CRIPTO: variants seen among roughly 807,000 people sequenced by gnomAD.
The protein encoded by CRIPTO is cripto, EGF-CFC family member.
the CRIPTO span, chr3:46,579,268 G>A: frequency 6.2e-7 from 1 of 1,614,160 alleles, no homozygotes; most frequent in Non-Finnish European, 8.5e-7. Context: ...CCATCTCGGG[G>A]ATACCTGGCC....
chr3:46,578,235 C>T, the CRIPTO span, among the ~76,000 whole-genome samples: 1 of 152,234 alleles, frequency 6.6e-6, no homozygotes, highest in Admixed American at 6.5e-5. Context: ...ATGTTAATGA[C>T]TCTGCCTATG....
the CRIPTO span, among the ~76,000 whole-genome samples, chr3:46,578,429 G>A: frequency 2.0e-5 from 3 of 150,798 alleles, no homozygotes; most frequent in African/African-American, 7.3e-5. Context: ...GGTTAAAATA[G>A]TTTGGCCGGG....
the CRIPTO span, chr3:46,579,059 T>C: frequency 1.9e-6 from 3 of 1,612,972 alleles, no homozygotes; most frequent in Non-Finnish European, 2.5e-6. Context: ...TTATTTCCTT[T>C]GTTTGGCTAA....
the CRIPTO span, chr3:46,579,208 C>G: frequency 2.5e-6 from 4 of 1,613,998 alleles, no homozygotes; most frequent in Middle Eastern, 1.6e-4. Context: ...AATACAGACT[C>G]CATGAATTGA....
chr3:46,578,538 G>A, the CRIPTO span, among the ~76,000 whole-genome samples: 15 of 152,096 alleles, frequency 9.9e-5, 1 homozygote, highest in African/African-American at 2.2e-4. Flanking sequence ...GCAAAACCCC[G>A]TCTCTATTAA....
At chr3:46,579,241 A>T in the CRIPTO span, 3 of 1,614,178 alleles carry the variant, frequency 1.9e-6, no homozygotes, top group Non-Finnish European at 2.5e-6. Flanking sequence ...GGGCTGGGCC[A>T]TCAGGAATTT....
chr3:46,579,594 C>T, the CRIPTO span: 3 of 1,171,194 alleles, frequency 2.6e-6, no homozygotes, highest in Non-Finnish European at 1.3e-6. Context: ...CACCACTGGC[C>T]TATGCATGAA....
At chr3:46,580,011 C>T in the CRIPTO span, 1 of 1,614,266 alleles carries the variant, frequency 6.2e-7, no homozygotes. Flanking sequence ...TGTGTAAATG[C>T]TGGCACGGTC....
chr3:46,580,143 G>C, the CRIPTO span: 1 of 1,578,450 alleles, frequency 6.3e-7, no homozygotes. Flanking sequence ...GGCTCTCCTT[G>C]TACCTCTTGT....
the CRIPTO span, chr3:46,577,949 T>C: frequency 2.7e-5 from 44 of 1,613,836 alleles, no homozygotes; most frequent in Non-Finnish European, 3.6e-5. Context: ...ACGCCTCTTT[T>C]CCCCCTAATT....
the CRIPTO span, chr3:46,581,297 A>C: frequency 6.9e-7 from 1 of 1,439,654 alleles, no homozygotes; most frequent in Non-Finnish European, 9.8e-7. Flanking sequence ...TATCATGCAA[A>C]TTTCATGACC....
chr3:46,578,995 G>C, the CRIPTO span: 1 of 1,295,296 alleles, frequency 7.7e-7, no homozygotes, highest in South Asian at 1.2e-5. Context: ...TCTTTTCAGT[G>C]ATCTGTGGTC....
chr3:46,581,898 C>T, the CRIPTO span: 2 of 156,726 alleles, frequency 1.3e-5, no homozygotes, highest in Admixed American at 1.3e-4. Flanking sequence ...TTATTGGAGA[C>T]TAATTCTAAT....
At chr3:46,578,064 G>C in the CRIPTO span, 2 of 1,560,166 alleles carry the variant, frequency 1.3e-6, no homozygotes, top group Non-Finnish European at 1.8e-6. Context: ...AGCTTAGGAA[G>C]TAATGTTCTA....
the CRIPTO span, chr3:46,579,147 G>T: frequency 5.6e-6 from 9 of 1,614,094 alleles, no homozygotes; most frequent in Non-Finnish European, 7.6e-6. Flanking sequence ...ATTAGTTGCC[G>T]GTGAGAGACC....
chr3:46,581,790 C>T, the CRIPTO span: 65 of 273,572 alleles, frequency 2.4e-4, no homozygotes, highest in Non-Finnish European at 3.5e-4. Flanking sequence ...AGATTACACA[C>T]GTGAGCAACT....
chr3:46,579,651 C>CCA, the CRIPTO span: 3 of 1,377,582 alleles, frequency 2.2e-6, no homozygotes, highest in Non-Finnish European at 3.1e-6. Context: ...TGATACAACA[C>CCA]ATTGGTGTTG....
At chr3:46,576,236 G>A in the CRIPTO span, among the ~76,000 whole-genome samples, 2 of 152,094 alleles carry the variant, frequency 1.3e-5, no homozygotes, top group Non-Finnish European at 2.9e-5. Context: ...TTGGGAGGCC[G>A]AGGCGGGTGG....
the CRIPTO span, chr3:46,581,280 T>C: frequency 2.1e-4 from 319 of 1,537,276 alleles, 3 homozygotes; most frequent in African/African-American, 3.6e-3. Context: ...AGAAATACAA[T>C]TTTAGATATC....
Sources: allele counts gnomAD v4.1 joint callset (sites outside exome capture counted in the v4.1 genomes callset), GRCh38; gene constraint gnomAD v4.1.1; transcripts MANE v1.5; gene names NCBI Gene and HGNC (gene_info 2026-07-23, HGNC 2026-07-21).